The following PRKCH variants were observed in gnomAD, a reference collection of about 807,000 sequenced individuals.
PRKCH encodes the protein protein kinase C eta, also known as protein kinase C eta type.
A neutral mutation model predicts 82.5 loss-of-function variants in PRKCH; 28 were observed. The ratio of observed to expected loss-of-function variants is 0.34; its 90% CI spans 0.25 to 0.47. The LOEUF (loss-of-function observed/expected upper bound fraction) is 0.47. Among genes scored for constraint, PRKCH ranks in the 20% least tolerant of loss-of-function variants. PRKCH has a pLI of 1.00. For missense variants in PRKCH, 705 were observed against 881.8 expected, an observed-to-expected ratio of 0.80 and a Z score of 2.54; for synonymous variants, 322 against 327.4, an observed-to-expected ratio of 0.98 and a Z score of 0.18.
intron 4 of PRKCH, among the ~76,000 whole-genome samples, chr14:61,448,002 A>C (rs1045191938): frequency 1.8e-4 from 28 of 152,216 alleles, no homozygotes; most frequent in Non-Finnish European, 1.0e-4. Context: ...CATGAAATCA[A>C]ATGCTGATTC....
At chr14:61,493,004 G>A (rs1416093048) in intron 10 of PRKCH, among the ~76,000 whole-genome samples, 1 of 152,212 alleles carries the variant, frequency 6.6e-6, no homozygotes, top group Non-Finnish European at 1.5e-5. Context: ...AGTGGAAAAT[G>A]ACAGGAACTT....
intron 10 of PRKCH, among the ~76,000 whole-genome samples, chr14:61,490,424 C>A (rs575511927): frequency 6.6e-6 from 1 of 152,358 alleles, no homozygotes; most frequent in African/African-American, 2.4e-5. Context: ...AGTCTCTGAA[C>A]ATAGTTGGGG....
In PRKCH at chr14:61,390,990, G is replaced by A. The variant is rs190442425; in HGVS notation, c.364-235G>A. Among the ~76,000 whole-genome samples, 327 of 152,242 alleles carry A rather than the reference G, an allele frequency of 2.1e-3. 1 individual carries two copies. Among genetic ancestry groups the A allele is most frequent in the Admixed American group, 3.6e-3 (55 of 15,298 alleles). On this transcript the variant is annotated intron_variant, in intron 1 of 13. Transcript: ENST00000332981. The stretch of plus-strand genomic sequence containing the variant: ...TCTATATTATGACAAGCCAAAAATG[G>A]GAGAGAATAAAATTCAAGAGGAAGG...
chr14:61,417,517 G>A (rs1037239062), intron 2 of PRKCH, among the ~76,000 whole-genome samples: 8 of 152,176 alleles, frequency 5.3e-5, no homozygotes, highest in African/African-American at 1.9e-4. Flanking sequence ...TGTCTCTTTT[G>A]ACTAATCATA....
chr14:61,316,840 G>A (rs796524332), upstream of PRKCH, among the ~76,000 whole-genome samples: 22 of 152,298 alleles, frequency 1.4e-4, no homozygotes, highest in African/African-American at 5.3e-4. Context: ...GTAGGAAGTT[G>A]GGGCTGTTGA....
chr14:61,205,402 A>G (rs1056458166), intron 1 of PRKCH, among the ~76,000 whole-genome samples: 9 of 152,190 alleles, frequency 5.9e-5, no homozygotes, highest in African/African-American at 2.2e-4. Flanking sequence ...GAGGCATGGG[A>G]AGGGTAGACA....
rs560504214 is a variant in PRKCH, at chr14:61,235,296, C to T, written c.-19+47628C>T. On this transcript the variant is annotated intron_variant, in intron 1 of 3. Coordinates refer to the PRKCH transcript ENST00000555185. ...AGCCCTGTTCAATTCTTTCCATCAC[C>T]GCTAGGCAAACAGCATGCAATTCAG... Among the ~76,000 whole-genome samples, 7 of 152,330 alleles carry T rather than the reference C, an allele frequency of 4.6e-5. No individual in the cohort carries two copies. In the South Asian group the frequency reaches 8.3e-4, roughly 18 times the overall value.
At chr14:61,492,906 A>G (rs1886514467) in intron 10 of PRKCH, among the ~76,000 whole-genome samples, 1 of 152,178 alleles carries the variant, frequency 6.6e-6, no homozygotes, top group African/African-American at 2.4e-5. Flanking sequence ...GAGTGTGAAG[A>G]GTTAAAAGCT....
At chr14:61,206,278 C>T (rs2140042108) in intron 1 of PRKCH, among the ~76,000 whole-genome samples, 1 of 152,328 alleles carries the variant, frequency 6.6e-6, no homozygotes, top group African/African-American at 2.4e-5. Flanking sequence ...GCTGCAGTTC[C>T]TCTGAAGGCT....
chr14:61,258,991 C>A (rs1259310866), intron 1 of PRKCH, among the ~76,000 whole-genome samples: 1 of 152,178 alleles, frequency 6.6e-6, no homozygotes, highest in Non-Finnish European at 1.5e-5. Flanking sequence ...TTTTATTTCA[C>A]TTTTGCCAAG....
At chr14:61,520,524 A>G (rs115154615) in intron 10 of PRKCH, among the ~76,000 whole-genome samples, 2,062 of 152,282 alleles carry the variant, frequency 0.014, 40 homozygotes, top group African/African-American at 0.047. Context: ...AATTATTACT[A>G]TCCCATAATA....
intron 1 of PRKCH, among the ~76,000 whole-genome samples, chr14:61,220,060 G>A (rs1349888763): frequency 6.6e-6 from 1 of 152,140 alleles, no homozygotes; most frequent in Non-Finnish European, 1.5e-5. Context: ...GCGGTTCATG[G>A]GAGACGCTGC....
At position 61,280,869 on chromosome 14, in the gene PRKCH, C is replaced by G; in HGVS notation, c.-19+93201C>G. 1 of 1,566,088 alleles carries G rather than the reference C, an allele frequency of 6.4e-7. No individual in the cohort carries two copies. Among genetic ancestry groups the G allele is most frequent in the Non-Finnish European group, 8.6e-7 (1 of 1,164,108 alleles). Reference sequence around the variant, plus strand: ...CGGGCAGCGAGAAGTACCAGGCGCACGAGCAGGGGGGCGGCAGCGCCCGGC... The same window carrying G: ...CGGGCAGCGAGAAGTACCAGGCGCAGGAGCAGGGGGGCGGCAGCGCCCGGC... On this transcript the variant is annotated intron_variant, in intron 1 of 3. Coordinates refer to the PRKCH transcript ENST00000555185. The surrounding 1 kb of genome is among the most constrained non-coding windows in gnomAD (Gnocchi z 5.0).
At chr14:61,259,542 G>A (rs904156177) in intron 1 of PRKCH, among the ~76,000 whole-genome samples, 1 of 152,156 alleles carries the variant, frequency 6.6e-6, no homozygotes, top group African/African-American at 2.4e-5. Flanking sequence ...CCCATCAAAG[G>A]AGATACCCAT....
Position 61,231,432 on chromosome 14 carries a change from G to A in PRKCH, c.-19+43764G>A, listed in dbSNP as rs1018593238. ...GGCTGGAGTGCAGTGGCGCGATCTC[G>A]GCTCACTGCAAGCTCTGCCTCCCGG... On this transcript the variant is annotated intron_variant, in intron 1 of 3. Coordinates refer to the PRKCH transcript ENST00000555185. Among the ~76,000 whole-genome samples, 4 of 143,864 alleles carry A rather than the reference G, an allele frequency of 2.8e-5. No individual in the cohort carries two copies. The Admixed American group carries it at 2.9e-4, about 10-fold the overall frequency. The allele number at this position is 143,864 out of a possible 152,430, so 94.4% of individuals were successfully genotyped here. A position where few individuals can be genotyped will look rare whatever the true frequency, so the allele number is the denominator to read the frequency against.
intron 9 of PRKCH, 110 bp downstream of exon 9, chr14:61,457,789 G>A (rs1033638403): frequency 1.4e-6 from 2 of 1,423,958 alleles, no homozygotes; most frequent in Non-Finnish European, 9.6e-7. Flanking sequence ...TGGGGGATGG[G>A]CTCCCAAGGC....
At chr14:61,534,731 G>T (rs1391688071) in intron 12 of PRKCH, among the ~76,000 whole-genome samples, 3 of 152,062 alleles carry the variant, frequency 2.0e-5, no homozygotes. Context: ...CCAGAGAGAT[G>T]AAGGGACTTT....
chr14:61,329,846 T>A (rs570196950), intron 1 of PRKCH, among the ~76,000 whole-genome samples: 1 of 152,324 alleles, frequency 6.6e-6, no homozygotes, highest in South Asian at 2.1e-4. Flanking sequence ...TGGATTGGCC[T>A]CTAATGGAAG....
intron 1 of PRKCH, among the ~76,000 whole-genome samples, chr14:61,323,544 T>C (rs1280795308): frequency 6.6e-6 from 1 of 152,204 alleles, no homozygotes. Flanking sequence ...TTACAAGTGG[T>C]GAAATCAGAT....
Sources: gnomAD v4.1 joint callset for allele counts (sites outside exome capture counted in the v4.1 genomes callset) on GRCh38, gnomAD v4.1.1 for gene constraint, Gnocchi (gnomAD v3.1) non-coding constraint, MANE v1.5 for transcripts, NCBI Gene and HGNC (gene_info 2026-07-23, HGNC 2026-07-21) for gene names.